CCDC33: variants seen among roughly 807,000 people sequenced by gnomAD.
CCDC33 encodes coiled-coil domain containing 33.
A neutral mutation model predicts 91.9 loss-of-function variants in CCDC33; 94 were observed. The ratio of observed to expected loss-of-function variants is 1.02; its 90% CI spans 0.87 to 1.21. The LOEUF is 1.21. CCDC33 is among the 50% of genes most tolerant of loss of function. The pLI, the probability that CCDC33 is intolerant of heterozygous loss-of-function variation, is 0.00. For synonymous variants in CCDC33, 396 were observed against 374.5 expected (o/e 1.06, Z -0.66); for missense variants, 940 against 935.5 (o/e 1.00, Z -0.06).
At chr15:74,209,571 C>A in intron 2 of CCDC33, 2 of 785,686 alleles carry the variant, frequency 2.5e-6, no homozygotes, top group Non-Finnish European at 4.0e-6. Flanking sequence ...AAAAGGCCCC[C>A]TCGGAGCTTT....
Position 74,281,782 on chromosome 15 carries a change from C to T in CCDC33, c.1028C>T (p.Thr343Ile), listed in dbSNP as rs1178136019. The T allele has an allele frequency of 5.6e-6, 9 of 1,613,846 alleles. No homozygotes were observed. The highest frequency in any genetic ancestry group is 7.6e-6 in the Non-Finnish European group (9 of 1,179,842). The change falls in exon 10 of 19, where the codon ACC becomes ATC. Residue 343 changes from threonine (T) to isoleucine (I), a missense_variant. Transcript: ENST00000398814. ...LHVERLPIMD[T>I]SLKTINDEAP... ...GTGCTCCCTTTTCCTCCCCAGGACA[C>T]CAGCCTGAAAACTATCAATGATGAG...
intron 11 of CCDC33, among the ~76,000 whole-genome samples, chr15:74,298,709 CTTTTTTTTTT>C (rs35450110): frequency 1.3e-5 from 1 of 75,606 alleles, no homozygotes; most frequent in African/African-American, 5.7e-5. Context: ...CTAATTCTGC[CTTTTTTTTTT>C]TTTTTTTTTT....
intron 11 of CCDC33, among the ~76,000 whole-genome samples, chr15:74,318,924 T>C (rs1468220987): frequency 6.6e-6 from 1 of 152,094 alleles, no homozygotes; most frequent in Non-Finnish European, 1.5e-5. Flanking sequence ...GAAAATCCCT[T>C]GAAGTGATCA....
Position 74,281,814 on chromosome 15 carries a change from A to G in CCDC33, c.1060A>G (p.Thr354Ala). The change falls in exon 10 of 19, where the codon ACA becomes GCA. Residue 354 changes from threonine (T) to alanine (A), a missense_variant. Thr to Ala is a moderately conservative substitution (Grantham distance 58). Transcript: ENST00000398814. ...SLKTINDEAP[T>A]VALSFQLLSS... ...GAAAACTATCAATGATGAGGCCCCC[A>G]CAGTGGCTCTCTCCTTCCAGCTGCT... 6.2e-7 allele frequency: 1 copy of G among 1,614,080 alleles called. No homozygotes were observed. Among genetic ancestry groups the G allele is most frequent in the Non-Finnish European group, 8.5e-7 (1 of 1,179,982 alleles).
chr15:74,311,265 A>G (rs894307525), intron 11 of CCDC33, among the ~76,000 whole-genome samples: 1 of 152,024 alleles, frequency 6.6e-6, no homozygotes, highest in Non-Finnish European at 1.5e-5. Context: ...GAGATGTGGC[A>G]GGTGCCCCCA....
intron 11 of CCDC33, among the ~76,000 whole-genome samples, chr15:74,327,233 C>T (rs1386526811): frequency 6.6e-6 from 1 of 152,144 alleles, no homozygotes; most frequent in Non-Finnish European, 1.5e-5. Flanking sequence ...CAGCAGGGAC[C>T]GTCTGACTGA....
At chr15:74,259,333 G>A (rs976321416) in intron 2 of CCDC33, among the ~76,000 whole-genome samples, 8 of 152,220 alleles carry the variant, frequency 5.3e-5, no homozygotes, top group Admixed American at 3.3e-4. Context: ...ACTCAGCCAC[G>A]TGCCCATCTG....
intron 7 of CCDC33, among the ~76,000 whole-genome samples, chr15:74,276,239 G>C (rs1440937845): frequency 6.6e-6 from 1 of 152,230 alleles, no homozygotes; most frequent in Non-Finnish European, 1.5e-5. Flanking sequence ...GTGGAGCCTG[G>C]TGATGATGGC....
At chr15:74,227,541 G>T (rs2074842106) in intron 2 of CCDC33, among the ~76,000 whole-genome samples, 1 of 152,218 alleles carries the variant, frequency 6.6e-6, no homozygotes, top group South Asian at 2.1e-4. Flanking sequence ...TGGTTTGGGA[G>T]CAAGGCTGGG....
At chr15:74,265,845 A>C (rs2076152795) in intron 3 of CCDC33, among the ~76,000 whole-genome samples, 3 of 152,220 alleles carry the variant, frequency 2.0e-5, no homozygotes, top group African/African-American at 7.2e-5. Context: ...CCAACATGGC[A>C]AAACCTTGTC....
chr15:74,235,123 C>T (rs903167999), upstream of CCDC33, among the ~76,000 whole-genome samples: 65 of 152,302 alleles, frequency 4.3e-4, no homozygotes, highest in African/African-American at 1.4e-3. Flanking sequence ...TGCTCACAGC[C>T]AGGCCATTCC....
chr15:74,310,975 AG>A (rs1567022662), intron 11 of CCDC33, among the ~76,000 whole-genome samples: 1 of 152,182 alleles, frequency 6.6e-6, no homozygotes, highest in Non-Finnish European at 1.5e-5. Flanking sequence ...GCCTGGCAGC[AG>A]TGAGGTGGTT....
chr15:74,305,430 G>A (rs182898269), intron 11 of CCDC33, among the ~76,000 whole-genome samples: 1 of 152,166 alleles, frequency 6.6e-6, no homozygotes, highest in Admixed American at 6.5e-5. Flanking sequence ...GAGAGGGGAG[G>A]CTTCCATAGA....
At chr15:74,241,179 C>T (rs2075336146) in intron 1 of CCDC33, among the ~76,000 whole-genome samples, 1 of 152,118 alleles carries the variant, frequency 6.6e-6, no homozygotes, top group Non-Finnish European at 1.5e-5. Context: ...TGGTGACAGG[C>T]CCTGCTGGGT....
At chr15:74,284,641 G>T (rs960728329) in intron 10 of CCDC33, among the ~76,000 whole-genome samples, 1 of 152,192 alleles carries the variant, frequency 6.6e-6, no homozygotes, top group Non-Finnish European at 1.5e-5. Flanking sequence ...TTAGCAGGGA[G>T]TATGGAACAG....
intron 11 of CCDC33, among the ~76,000 whole-genome samples, chr15:74,327,559 T>A (rs2060334269): frequency 6.6e-6 from 1 of 152,128 alleles, no homozygotes; most frequent in Non-Finnish European, 1.5e-5. Flanking sequence ...GGCTTGAACC[T>A]GGGAGGCAGA....
intron 11 of CCDC33, among the ~76,000 whole-genome samples, chr15:74,311,053 G>A (rs1781489391): frequency 6.6e-6 from 1 of 152,112 alleles, no homozygotes; most frequent in African/African-American, 2.4e-5. Context: ...GATCTGCCTG[G>A]ACAGGGCGCA....
At chr15:74,268,277 T>C in intron 4 of CCDC33, 65 bp from the exon 5 acceptor site, 2 of 1,155,366 alleles carry the variant, frequency 1.7e-6, no homozygotes, top group Non-Finnish European at 2.6e-6. Context: ...GCTGGATTTA[T>C]GGCCAGGATC....
chr15:74,206,640 G>A (rs777565910), intron 1 of CCDC33, among the ~76,000 whole-genome samples: 7 of 152,214 alleles, frequency 4.6e-5, no homozygotes, highest in African/African-American at 9.6e-5. Context: ...CCTGAGGAGC[G>A]GGGAGGGAAA....
Sources: gnomAD v4.1 joint callset for allele counts (sites outside exome capture counted in the v4.1 genomes callset) on GRCh38, gnomAD v4.1.1 for gene constraint, MANE v1.5 for transcripts, NCBI Gene and HGNC (gene_info 2026-07-23, HGNC 2026-07-21) for gene names.